Variants in DMD observed in about 807,000 individuals in gnomAD.
DMD encodes mutant dystrophin.
Under a neutral mutation model 330.1 loss-of-function variants are expected in DMD, and 63 were observed. The observed-to-expected ratio is 0.19, with a 90% CI of 0.16 to 0.24. The LOEUF is 0.24. Among genes scored for constraint, DMD ranks in the 10% least tolerant of loss-of-function variants. The pLI is 1.00. For synonymous variants in DMD, 1,223 were observed against 959.8 expected (o/e 1.27, Z -5.07); for missense variants, 3,344 against 2,684.1 (o/e 1.25, Z -5.43).
intron 2 of DMD, among the ~76,000 whole-genome samples, chrX:32,964,804 C>T (rs1290232986): frequency 8.9e-6 from 1 of 112,246 alleles, no homozygotes; most frequent in Non-Finnish European, 1.9e-5. Context: ...TGTTTTGCAA[C>T]TCATAATGAA....
chrX:32,060,026 C>G (rs1295345384), intron 44 of DMD, among the ~76,000 whole-genome samples: 3 of 111,157 alleles, frequency 2.7e-5, no homozygotes, highest in Non-Finnish European at 5.7e-5. Flanking sequence ...TCAATTTATG[C>G]TATGCTTCTT....
intron 53 of DMD, among the ~76,000 whole-genome samples, chrX:31,664,046 A>AG (rs777618232): frequency 8.9e-6 from 1 of 111,859 alleles, no homozygotes; most frequent in Admixed American, 9.5e-5. Context: ...TTCCTACGAA[A>AG]GACAGCATGC....
chrX:31,841,599 T>C (rs1264476144), intron 48 of DMD, among the ~76,000 whole-genome samples: 1 of 112,172 alleles, frequency 8.9e-6, no homozygotes, highest in Non-Finnish European at 1.9e-5. Flanking sequence ...GAGGGGCTAA[T>C]GCAATTGATG....
At chrX:31,928,394 C>G (rs936204860) in intron 47 of DMD, among the ~76,000 whole-genome samples, 2 of 111,260 alleles carry the variant, frequency 1.8e-5, no homozygotes, top group Admixed American at 1.9e-4. Context: ...CACCTGAGGT[C>G]AGGAGTTTGA....
At chrX:33,254,671 T>C (rs915180052) in intron 1 of DMD, among the ~76,000 whole-genome samples, 2 of 111,002 alleles carry the variant, frequency 1.8e-5, no homozygotes, top group Admixed American at 1.9e-4. Context: ...GTAAATCTTA[T>C]ACAGACTGAT....
At chrX:31,828,724 A>G in intron 49 of DMD, among the ~76,000 whole-genome samples, 1 of 110,450 alleles carries the variant, frequency 9.1e-6, no homozygotes. Context: ...GCAAGGTTGA[A>G]TATCAGTAAT....
At chrX:32,769,894 C>T (rs183162635) in intron 7 of DMD, among the ~76,000 whole-genome samples, 3 of 110,685 alleles carry the variant, frequency 2.7e-5, no homozygotes, top group African/African-American at 9.8e-5. Context: ...ATGGAATAGT[C>T]ATCTTTAAGT....
chrX:33,317,655 A>G (rs1219422144), intron 1 of DMD, among the ~76,000 whole-genome samples: 2 of 111,713 alleles, frequency 1.8e-5, no homozygotes, highest in African/African-American at 6.5e-5. Context: ...TATGCTTTAC[A>G]TCAGTCCTCC....
At chrX:31,966,657 C>T (rs2095354100) in intron 45 of DMD, among the ~76,000 whole-genome samples, 1 of 110,876 alleles carries the variant, frequency 9.0e-6, no homozygotes, top group Non-Finnish European at 1.9e-5. Context: ...TATACTATTT[C>T]ACAACAGAGT....
At chrX:33,055,764 T>C (rs756191258) in intron 1 of DMD, among the ~76,000 whole-genome samples, 1 of 111,515 alleles carries the variant, frequency 9.0e-6, no homozygotes. Flanking sequence ...TCTGACAAAT[T>C]TGGGTTCTAT....
intron 44 of DMD, chrX:32,035,560 T>A (rs768241180): frequency 6.4e-6 from 2 of 310,938 alleles, no homozygotes; most frequent in South Asian, 5.9e-5. Flanking sequence ...CCTTAAGAGC[T>A]ATAATAGCAG....
chrX:32,720,813 C>T (rs1205184708), intron 7 of DMD, among the ~76,000 whole-genome samples: 3 of 111,088 alleles, frequency 2.7e-5, no homozygotes, highest in Non-Finnish European at 5.7e-5. Flanking sequence ...AGCTGTATAT[C>T]GAAACTCTAA....
At chrX:32,865,051 A>C (rs1051924295) in intron 2 of DMD, among the ~76,000 whole-genome samples, 1 of 111,580 alleles carries the variant, frequency 9.0e-6, no homozygotes, top group Non-Finnish European at 1.9e-5. Flanking sequence ...GCCTTTATTT[A>C]TTACAGTTCT....
chrX:32,751,292 T>A (rs1368218884), intron 7 of DMD, among the ~76,000 whole-genome samples: 1 of 110,868 alleles, frequency 9.0e-6, no homozygotes, highest in East Asian at 2.9e-4. Context: ...ATGCTGATAA[T>A]GATGTAGAGA....
At chrX:31,466,532 G>T (rs2066870341) in intron 59 of DMD, among the ~76,000 whole-genome samples, 1 of 111,321 alleles carries the variant, frequency 9.0e-6, no homozygotes, top group South Asian at 3.8e-4. Context: ...TATCTGTTTT[G>T]GTACCAATAC....
At chrX:32,257,111 A>C in intron 43 of DMD, among the ~76,000 whole-genome samples, 1 of 111,954 alleles carries the variant, frequency 8.9e-6, no homozygotes, top group Non-Finnish European at 1.9e-5. Context: ...CTTACAAGGG[A>C]TGTGAAGGAC....
chrX:31,911,523 C>G (rs1462833902), intron 47 of DMD, among the ~76,000 whole-genome samples: 2 of 106,828 alleles, frequency 1.9e-5, no homozygotes, highest in East Asian at 5.8e-4. Flanking sequence ...TTGCTAATGA[C>G]TTATTACTTG....
At chrX:32,291,415 G>T (rs912578625) in intron 42 of DMD, among the ~76,000 whole-genome samples, 1 of 111,361 alleles carries the variant, frequency 9.0e-6, no homozygotes. Context: ...TCTCTCATGA[G>T]AACTTTTTTC....
chrX:32,590,830 C>A (rs1312114399), intron 13 of DMD, among the ~76,000 whole-genome samples: 1 of 111,352 alleles, frequency 9.0e-6, no homozygotes, highest in African/African-American at 3.3e-5. Flanking sequence ...CTTCTCCCAG[C>A]TTGCAGATGG....
Sources: allele counts gnomAD v4.1 joint callset (sites outside exome capture counted in the v4.1 genomes callset), GRCh38; gene constraint gnomAD v4.1.1; transcripts MANE v1.5; gene names NCBI Gene and HGNC (gene_info 2026-07-23, HGNC 2026-07-21).